DHX9: variants seen among roughly 807,000 people sequenced by gnomAD.
DHX9 encodes the protein DExH-box helicase 9, also known as ATP-dependent RNA helicase A.
DHX9 carries 27 observed loss-of-function variants against 148.7 expected under a neutral mutation model. The observed-to-expected ratio is 0.18, with a 90% CI of 0.13 to 0.25. DHX9 has a LOEUF of 0.25. Ranked by LOEUF, DHX9 falls within the 10% of genes least tolerant of loss-of-function variation. The probability of loss-of-function intolerance (pLI) is 1.00; values close to 1 mark genes in which losing one functional copy is unlikely to be tolerated. For missense variants in DHX9, 796 were observed against 1,559.6 expected (o/e 0.51, Z 8.25); for synonymous variants, 529 against 516.6 (o/e 1.02, Z -0.33).
intron 14 of DHX9, among the ~76,000 whole-genome samples, chr1:182,869,178 C>G (rs1648432533): frequency 6.6e-6 from 1 of 152,318 alleles, no homozygotes; most frequent in South Asian, 2.1e-4. Flanking sequence ...AATCCTAGCA[C>G]TTTGGGAGGC....
At chr1:182,868,807 T>A (rs536801098) in intron 14 of DHX9, among the ~76,000 whole-genome samples, 6 of 152,172 alleles carry the variant, frequency 3.9e-5, no homozygotes, top group Non-Finnish European at 8.8e-5. Flanking sequence ...CCTCTTACTT[T>A]TATATCTGTT....
At chr1:182,849,353 G>A (rs1668090026) in intron 3 of DHX9, among the ~76,000 whole-genome samples, 1 of 152,080 alleles carries the variant, frequency 6.6e-6, no homozygotes, top group Admixed American at 6.5e-5. Flanking sequence ...GAGCATCCCA[G>A]ACATCTTATT....
chr1:182,872,293 A>G, intron 14 of DHX9, 44 bp from the exon 15 acceptor site: 6 of 1,540,766 alleles, frequency 3.9e-6, no homozygotes, highest in Non-Finnish European at 5.3e-6. Context: ...CTTGTTATAT[A>G]AACTTAATGT....
rs1171732020 is a variant in DHX9, at chr1:182,858,950, A to T, written c.1062+56A>T. On this transcript the variant is annotated intron_variant, in intron 10 of 27. Coordinates refer to ENST00000367549, the MANE Select transcript of DHX9 (RefSeq NM_001357.5). Reference sequence around the variant, plus strand: ...TCTTGTGTTTTACTCTTGAGACTATATTTGATTAGTATGTCTAGGTAAAAA... The same window carrying T: ...TCTTGTGTTTTACTCTTGAGACTATTTTTGATTAGTATGTCTAGGTAAAAA... The T allele has an allele frequency of 2.5e-6, 4 of 1,610,530 alleles. No homozygotes were observed. The East Asian group carries it at 6.7e-5, about 27-fold the overall frequency.
At chr1:182,881,742 A>G in intron 24 of DHX9, 95 bp downstream of exon 24, 1 of 1,337,896 alleles carries the variant, frequency 7.5e-7, no homozygotes, top group South Asian at 1.5e-5. Context: ...CAAATTTTAG[A>G]CCCTATGATT....
At chr1:182,862,745 T>C (rs930667860) in intron 12 of DHX9, among the ~76,000 whole-genome samples, 3 of 152,176 alleles carry the variant, frequency 2.0e-5, no homozygotes, top group Non-Finnish European at 4.4e-5. Flanking sequence ...TGGAAGAAAT[T>C]GCTGTAGTTC....
At chr1:182,884,047 A>G (rs1171205598) in intron 26 of DHX9, among the ~76,000 whole-genome samples, 1 of 152,172 alleles carries the variant, frequency 6.6e-6, no homozygotes, top group African/African-American at 2.4e-5. Context: ...TGGGTGCGGC[A>G]CATCACTTGG....
intron 4 of DHX9, among the ~76,000 whole-genome samples, chr1:182,853,069 G>A (rs1668184710): frequency 6.6e-6 from 1 of 151,870 alleles, no homozygotes; most frequent in East Asian, 1.9e-4. Flanking sequence ...TGGGATTACA[G>A]GCATATGCCA....
At chr1:182,885,424 A>G (rs1297665775) in intron 27 of DHX9, among the ~76,000 whole-genome samples, 1 of 152,136 alleles carries the variant, frequency 6.6e-6, no homozygotes, top group Non-Finnish European at 1.5e-5. Flanking sequence ...AGCATTTTGT[A>G]TTTGCTTAAT....
intron 3 of DHX9, among the ~76,000 whole-genome samples, chr1:182,844,820 G>A (rs929319506): frequency 5.3e-5 from 8 of 151,690 alleles, no homozygotes; most frequent in African/African-American, 1.9e-4. Flanking sequence ...CCTGGCCCAC[G>A]CCCAGCTAAT....
intron 27 of DHX9, among the ~76,000 whole-genome samples, chr1:182,885,588 C>T (rs148689125): frequency 0.012 from 1,819 of 152,178 alleles, 32 homozygotes; most frequent in African/African-American, 0.037. Context: ...TCCAGTTATC[C>T]AAAAATGACC....
At chr1:182,884,538 G>A (rs181671250) in intron 26 of DHX9, 75 bp from the exon 27 acceptor site, 19 of 1,247,652 alleles carry the variant, frequency 1.5e-5, no homozygotes, top group African/African-American at 1.5e-4. Context: ...AATGTGCCAT[G>A]TGTGAAGTTG....
chr1:182,867,177 A>G (rs1192657743), intron 14 of DHX9, 134 bp downstream of exon 14: 29 of 562,154 alleles, frequency 5.2e-5, no homozygotes, highest in Non-Finnish European at 7.3e-5. Flanking sequence ...TAAGATGTTG[A>G]AAATCTTTTT....
chr1:182,880,709 A>AT (rs142206820), intron 22 of DHX9, 101 bp downstream of exon 22: 22,396 of 717,306 alleles, frequency 0.031, 410 homozygotes, highest in Admixed American at 0.061. Context: ...CAAAAAAAAA[A>AT]TCCTAAATGT....
At chr1:182,853,614 G>GA (rs955703982) in intron 5 of DHX9, among the ~76,000 whole-genome samples, 196 bp downstream of exon 5, 10 of 151,914 alleles carry the variant, frequency 6.6e-5, no homozygotes, top group African/African-American at 2.4e-4. Flanking sequence ...GCCTATGGAG[G>GA]AAAAAAACAG....
chr1:182,857,854 CT>C (rs1437023247), intron 7 of DHX9, among the ~76,000 whole-genome samples: 2 of 152,144 alleles, frequency 1.3e-5, no homozygotes, highest in Non-Finnish European at 2.9e-5. Flanking sequence ...AGGTTATTTG[CT>C]TTCATAATAT....
In DHX9 at chr1:182,852,291, A is replaced by G. The variant is rs757033276; in HGVS notation, c.311A>G (p.Asp104Gly). 6.2e-7 allele frequency: 1 copy of G among 1,613,042 alleles called. No homozygotes were observed. The highest frequency in any genetic ancestry group is 1.3e-5 in the African/African-American group (1 of 74,888). The change falls in exon 4 of 28, where the codon GAT (aspartate) becomes GGT (glycine). Residue 104 changes from aspartate (D) to glycine (G), a missense_variant. By Grantham distance (94) the Asp-to-Gly change is moderately conservative. Coordinates refer to ENST00000367549, the MANE Select transcript of DHX9 (RefSeq NM_001357.5). ...GACACTACAGCAAATGCTGAAGGAG[A>G]TTTACCAACAACCATGGGAGGACCT... ...TPDTTANAEG[D>G]LPTTMGGPLP...
At chr1:182,868,625 C>G (rs372789103) in intron 14 of DHX9, among the ~76,000 whole-genome samples, 58 of 149,448 alleles carry the variant, frequency 3.9e-4, no homozygotes, top group African/African-American at 1.4e-3. Flanking sequence ...AGCCATTCTC[C>G]TTGCCTCAGC....
rs1649173906 is a variant in DHX9, at chr1:182,883,385, A to G, written c.3144+17A>G. Reference sequence around the variant, plus strand: ...GGTGAAAAGGTAAGAAAAGACTAGAAAAGTTTACATTGAAAGTTGAAATTG... The same window carrying G: ...GGTGAAAAGGTAAGAAAAGACTAGAGAAGTTTACATTGAAAGTTGAAATTG... On this transcript the variant is annotated intron_variant, in intron 25 of 27. Coordinates refer to ENST00000367549, the MANE Select transcript of DHX9 (RefSeq NM_001357.5). The G allele has an allele frequency of 6.2e-7, 1 of 1,606,396 alleles. No individual in the cohort carries two copies. Among genetic ancestry groups the G allele is most frequent in the Non-Finnish European group, 8.5e-7 (1 of 1,173,798 alleles).
Sources: allele counts gnomAD v4.1 joint callset (sites outside exome capture counted in the v4.1 genomes callset), GRCh38; gene constraint gnomAD v4.1.1; transcripts MANE v1.5; gene names NCBI Gene and HGNC (gene_info 2026-07-23, HGNC 2026-07-21).